ARHGAP20: variants seen among roughly 807,000 people sequenced by gnomAD.
ARHGAP20 encodes the protein rho GTPase-activating protein 20.
ARHGAP20 carries 34 observed loss-of-function variants against 73.7 expected under a neutral mutation model. The ratio of observed to expected loss-of-function variants is 0.46; its 90% CI spans 0.35 to 0.61. The LOEUF is 0.61. Ranked by LOEUF, ARHGAP20 falls within the 20% of genes least tolerant of loss-of-function variation. The probability of loss-of-function intolerance (pLI) is 0.00; values close to 1 mark genes in which losing one functional copy is unlikely to be tolerated. For synonymous variants in ARHGAP20, 523 were observed against 518.2 expected (o/e 1.01, Z -0.13); for missense variants, 1,314 against 1,420.9 (o/e 0.92, Z 1.21).
intron 9 of ARHGAP20, among the ~76,000 whole-genome samples, chr11:110,592,539 A>G (rs959627280): frequency 6.6e-6 from 1 of 152,232 alleles, no homozygotes; most frequent in Non-Finnish European, 1.5e-5. Context: ...TAAGCATACA[A>G]AAAGTTTAAA....
intron 2 of ARHGAP20, among the ~76,000 whole-genome samples, chr11:110,633,999 T>C (rs1212962989): frequency 6.6e-6 from 1 of 152,108 alleles, no homozygotes; most frequent in East Asian, 1.9e-4. Flanking sequence ...AGAAAAGATG[T>C]AAGTTGAAGA....
intron 2 of ARHGAP20, among the ~76,000 whole-genome samples, chr11:110,674,910 C>T (rs1262692126): frequency 6.6e-6 from 1 of 152,102 alleles, no homozygotes; most frequent in African/African-American, 2.4e-5. Context: ...TAATGAATTA[C>T]ATATATCATC....
At chr11:110,621,439 TA>T (rs1238189944) in intron 4 of ARHGAP20, among the ~76,000 whole-genome samples, 1 of 145,416 alleles carries the variant, frequency 6.9e-6, no homozygotes. Flanking sequence ...ATTTTTCCTT[TA>T]AAAAATCTTT....
At position 110,581,245 on chromosome 11, in the gene ARHGAP20, A is replaced by ATGAT. The variant is rs750346190; in HGVS notation, c.1721-24_1721-21dup. ...AAATATCTGTCAAAAAAATTAAACCATGATTAACATATTTACTTACCACAA... is the reference window on the plus strand; with the variant it reads ...AAATATCTGTCAAAAAAATTAAACCATGATTGATTAACATATTTACTTACCACAA... On this transcript the variant is annotated intron_variant, in intron 14 of 14. Transcript: ENST00000683387. 5.9e-5 allele frequency: 93 copies of ATGAT among 1,588,064 alleles called. No homozygotes were observed. In the East Asian group the frequency reaches 1.6e-3, roughly 28 times the overall value.
chr11:110,599,456 G>T (rs565619005), intron 9 of ARHGAP20, among the ~76,000 whole-genome samples: 1 of 152,346 alleles, frequency 6.6e-6, no homozygotes, highest in East Asian at 1.9e-4. Flanking sequence ...GAGGCAGCTC[G>T]GTGCTGGCCT....
intron 2 of ARHGAP20, among the ~76,000 whole-genome samples, chr11:110,687,851 A>C (rs1950166233): frequency 1.3e-5 from 2 of 152,212 alleles, no homozygotes; most frequent in South Asian, 4.1e-4. Flanking sequence ...AACTAGTTAC[A>C]ATTAATATAT....
intron 2 of ARHGAP20, among the ~76,000 whole-genome samples, chr11:110,643,907 A>G (rs1457441185): frequency 6.6e-6 from 1 of 152,104 alleles, no homozygotes; most frequent in Admixed American, 6.6e-5. Context: ...GTCTAAAATA[A>G]CTTGTTTTAT....
chr11:110,641,327 AAAG>A (rs1216602184), intron 2 of ARHGAP20, among the ~76,000 whole-genome samples: 2 of 152,060 alleles, frequency 1.3e-5, no homozygotes, highest in Admixed American at 1.3e-4. Context: ...TATTATTTCC[AAAG>A]AAGAGAGTAA....
intron 1 of ARHGAP20, among the ~76,000 whole-genome samples, chr11:110,706,606 T>C (rs148113449): frequency 1.3e-5 from 2 of 152,274 alleles, no homozygotes; most frequent in Non-Finnish European, 2.9e-5. Flanking sequence ...TACTCTCACA[T>C]GGCAAGATAT....
chr11:110,636,255 C>G (rs1335836342), intron 2 of ARHGAP20, among the ~76,000 whole-genome samples: 1 of 152,004 alleles, frequency 6.6e-6, no homozygotes, highest in African/African-American at 2.4e-5. Context: ...TGGCTGTGTT[C>G]TAAGAAAACT....
At chr11:110,707,522 A>C (rs1336141713) in intron 1 of ARHGAP20, among the ~76,000 whole-genome samples, 3 of 152,142 alleles carry the variant, frequency 2.0e-5, no homozygotes. Flanking sequence ...TTTGGAAACA[A>C]TGAAATCCTC....
intron 7 of ARHGAP20, among the ~76,000 whole-genome samples, chr11:110,610,656 T>A (rs1948345082): frequency 6.6e-6 from 1 of 152,118 alleles, no homozygotes; most frequent in African/African-American, 2.4e-5. Context: ...TCTTCTCCAC[T>A]CCTAAAATTC....
rs974692950 is a variant in ARHGAP20 at position 110,589,360 on chromosome 11, G to A, written c.1305+1288C>T. The A allele has an allele frequency of 8.2e-6, 8 of 974,366 alleles. No individual in the cohort carries two copies. The African/African-American group carries it at 1.4e-4, about 17-fold the overall frequency. 60.4% of individuals were successfully genotyped at this position (974,366 alleles called of 1,614,324 possible). ...TATAGCAGGGTTTAAGAGCAGATATGGCTTATTTATCCAGAAACATCTGAT... is the reference window on the plus strand; with the variant it reads ...TATAGCAGGGTTTAAGAGCAGATATAGCTTATTTATCCAGAAACATCTGAT... On this transcript the variant is annotated intron_variant, in intron 11 of 14. Coordinates refer to ENST00000683387, the MANE Select transcript of ARHGAP20 (RefSeq NM_001384657.1).
intron 2 of ARHGAP20, among the ~76,000 whole-genome samples, chr11:110,637,492 T>C (rs553641369): frequency 6.6e-6 from 1 of 152,248 alleles, no homozygotes; most frequent in Admixed American, 6.5e-5. Flanking sequence ...ATCTCTTATA[T>C]GACATCTAGC....
At chr11:110,591,241 A>T (rs1227345133) in intron 10 of ARHGAP20, among the ~76,000 whole-genome samples, 1 of 152,162 alleles carries the variant, frequency 6.6e-6, no homozygotes, top group Non-Finnish European at 1.5e-5. Context: ...TGGGATCCAA[A>T]ACCTAGTTAT....
chr11:110,672,343 CAG>C (rs1274513516), intron 2 of ARHGAP20, among the ~76,000 whole-genome samples: 1 of 152,052 alleles, frequency 6.6e-6, no homozygotes, highest in Non-Finnish European at 1.5e-5. Context: ...AAGGTTGAAA[CAG>C]ATCACTTCAC....
intron 7 of ARHGAP20, among the ~76,000 whole-genome samples, chr11:110,609,270 C>T (rs1948310494): frequency 6.6e-6 from 1 of 152,136 alleles, no homozygotes. Context: ...AACAATCTTC[C>T]TGGCTCTTAA....
At chr11:110,699,008 T>C (rs1950392708) in intron 1 of ARHGAP20, among the ~76,000 whole-genome samples, 2 of 151,898 alleles carry the variant, frequency 1.3e-5, no homozygotes, top group Admixed American at 1.3e-4. Flanking sequence ...TGACATCAGG[T>C]TGTAAATTTA....
intron 3 of ARHGAP20, among the ~76,000 whole-genome samples, chr11:110,627,054 A>ATCCCT (rs1224880242): frequency 2.6e-5 from 4 of 151,982 alleles, no homozygotes; most frequent in Non-Finnish European, 5.9e-5. Flanking sequence ...AAAAGTGTGA[A>ATCCCT]TCCAATATAA....
Sources: allele counts gnomAD v4.1 joint callset (sites outside exome capture counted in the v4.1 genomes callset), GRCh38; gene constraint gnomAD v4.1.1; transcripts MANE v1.5; gene names NCBI Gene and HGNC (gene_info 2026-07-23, HGNC 2026-07-21).